Variants in ADAM32 observed in about 807,000 individuals in gnomAD.
The protein encoded by ADAM32 is ADAM metallopeptidase domain 32, also known as disintegrin and metalloproteinase domain-containing protein 32.
In ADAM32, 89 loss-of-function variants were observed where a neutral mutation model predicts 114.9. That is an observed-to-expected ratio of 0.77 (90% confidence interval 0.65 to 0.92). ADAM32 has a LOEUF of 0.92. ADAM32 is among the 40% of genes least tolerant of loss of function. The probability of loss-of-function intolerance (pLI) is 0.00; values close to 1 mark genes in which losing one functional copy is unlikely to be tolerated. For missense variants in ADAM32, 870 were observed against 932.8 expected, an observed-to-expected ratio of 0.93 and a Z score of 0.88; for synonymous variants, 285 against 307.5, an observed-to-expected ratio of 0.93 and a Z score of 0.77.
chr8:39,169,904 T>G lies in ADAM32; in HGVS notation c.834-12T>G. ...GTTAAAATCAATTATAAATGTAAAT[T>G]TATTTATTTAGTTATATGGATTATC... is the stretch of plus-strand genomic sequence containing the variant. On this transcript the variant is annotated splice_polypyrimidine_tract_variant and intron_variant, in intron 9 of 24. Coordinates refer to ENST00000379907, the MANE Select transcript of ADAM32 (RefSeq NM_145004.7). 1 of 1,513,216 alleles carries G rather than the reference T, an allele frequency of 6.6e-7. No homozygotes were observed. The highest frequency in any genetic ancestry group is 1.2e-5 in the South Asian group (1 of 80,142). The allele number at this position is 1,513,216 out of a possible 1,614,324, so 93.7% of individuals were successfully genotyped here.
At chr8:39,235,689 A>T (rs557894776) in intron 16 of ADAM32, among the ~76,000 whole-genome samples, 29 of 152,324 alleles carry the variant, frequency 1.9e-4, no homozygotes, top group Admixed American at 1.7e-3. Flanking sequence ...AAACATTCTT[A>T]GTATTGTTTC....
chr8:39,254,830 G>T (rs938619009), intron 18 of ADAM32, among the ~76,000 whole-genome samples: 1 of 151,772 alleles, frequency 6.6e-6, no homozygotes, highest in Non-Finnish European at 1.5e-5. Flanking sequence ...AGTGTATACT[G>T]TACCCAATGT....
At chr8:39,274,738 A>T (rs1812968737) in intron 21 of ADAM32, among the ~76,000 whole-genome samples, 1 of 152,220 alleles carries the variant, frequency 6.6e-6, no homozygotes, top group Non-Finnish European at 1.5e-5. Context: ...ATAAGATTAT[A>T]ATGAAGGTGA....
chr8:39,252,928 C>T lies in ADAM32; in HGVS notation c.1903-1486C>T, dbSNP rs543102184. On this transcript the variant is annotated intron_variant, in intron 17 of 24. Coordinates refer to ENST00000379907, the MANE Select transcript of ADAM32 (RefSeq NM_145004.7). ...TAAATCAGTAAACAAAACTTTCTAG[C>T]GAAGAAAATCTCAGGACTAGGGGGC... Among the ~76,000 whole-genome samples the T allele has an allele frequency of 8.2e-4, 125 of 151,626 alleles. 4 individuals carry two copies. The highest frequency in any genetic ancestry group is 2.8e-4 in the Non-Finnish European group (19 of 67,556).
chr8:39,109,256 T>A (rs979512598), intron 1 of ADAM32, among the ~76,000 whole-genome samples: 11 of 152,136 alleles, frequency 7.2e-5, no homozygotes, highest in African/African-American at 2.7e-4. Context: ...AAAATAAAAG[T>A]AACGGCCAGG....
chr8:39,279,157 T>A (rs1813270384), intron 22 of ADAM32, among the ~76,000 whole-genome samples: 1 of 152,248 alleles, frequency 6.6e-6, no homozygotes. Context: ...AGGACTCAGG[T>A]CATTAAATCT....
intron 24 of ADAM32, among the ~76,000 whole-genome samples, chr8:39,284,360 T>TACACAC (rs375169437): frequency 1.3e-5 from 2 of 149,438 alleles, no homozygotes; most frequent in South Asian, 4.2e-4. Flanking sequence ...AATACTGTTA[T>TACACAC]ACACACACAC....
chr8:39,240,598 A>G (rs1046475848), intron 16 of ADAM32, among the ~76,000 whole-genome samples: 2 of 152,236 alleles, frequency 1.3e-5, no homozygotes, highest in Admixed American at 6.5e-5. Flanking sequence ...TTAAAATTCC[A>G]TGTGGTTGGG....
intron 20 of ADAM32, among the ~76,000 whole-genome samples, chr8:39,273,327 G>A (rs889190893): frequency 2.6e-5 from 4 of 151,872 alleles, no homozygotes; most frequent in African/African-American, 9.7e-5. Flanking sequence ...CCAACATGGT[G>A]AAACCCCGTC....
At chr8:39,200,952 C>T (rs1180587413) in intron 11 of ADAM32, among the ~76,000 whole-genome samples, 1 of 152,154 alleles carries the variant, frequency 6.6e-6, no homozygotes, top group Non-Finnish European at 1.5e-5. Flanking sequence ...GGTATTATTT[C>T]TGAAGGCTCT....
chr8:39,199,710 G>A (rs1012413735), intron 11 of ADAM32, among the ~76,000 whole-genome samples: 1 of 151,852 alleles, frequency 6.6e-6, no homozygotes, highest in Non-Finnish European at 1.5e-5. Context: ...CCATGTTGGT[G>A]TGCTGCACCC....
chr8:39,112,384 C>T (rs1299810936), intron 1 of ADAM32, among the ~76,000 whole-genome samples: 1 of 151,918 alleles, frequency 6.6e-6, no homozygotes, highest in Non-Finnish European at 1.5e-5. Flanking sequence ...TTGTGATATC[C>T]TGATTTTTGT....
At chr8:39,230,687 A>G (rs1193486894) in intron 14 of ADAM32, among the ~76,000 whole-genome samples, 1 of 152,154 alleles carries the variant, frequency 6.6e-6, no homozygotes, top group African/African-American at 2.4e-5. Flanking sequence ...CCAATATCAA[A>G]GATGGTGGAA....
rs149562313 is a variant in ADAM32, at chr8:39,172,634, T to C, written c.915+2637T>C. On this transcript the variant is annotated intron_variant, in intron 10 of 24. Coordinates refer to ENST00000379907, the MANE Select transcript of ADAM32 (RefSeq NM_145004.7). ...CTGAGGATAATGGCTTCCAGTTCCA[T>C]CCTTGTCCCTGCAAAGTCTTTCCTT... Among the ~76,000 whole-genome samples, 686 of 152,354 alleles carry C rather than the reference T, an allele frequency of 4.5e-3. 4 individuals are homozygous for C. The highest frequency in any genetic ancestry group is 0.016 in the African/African-American group (649 of 41,582).
At chr8:39,149,657 C>T in intron 4 of ADAM32, 134 bp from the exon 5 acceptor site, 2 of 553,868 alleles carry the variant, frequency 3.6e-6, no homozygotes, top group Non-Finnish European at 6.0e-6. Context: ...TTCTGAATTT[C>T]ACCTTACTTG....
chr8:39,280,063 GA>G (rs1813332025), intron 22 of ADAM32, among the ~76,000 whole-genome samples: 1 of 152,200 alleles, frequency 6.6e-6, no homozygotes, highest in South Asian at 2.1e-4. Context: ...TCACTTGCCT[GA>G]GAAAATTTGC....
At chr8:39,117,123 C>T (rs1344952115) in intron 1 of ADAM32, among the ~76,000 whole-genome samples, 1 of 151,818 alleles carries the variant, frequency 6.6e-6, no homozygotes, top group African/African-American at 2.4e-5. Context: ...ACCTTGTGAT[C>T]CACCTGCCTT....
intron 11 of ADAM32, among the ~76,000 whole-genome samples, chr8:39,192,022 C>G (rs747861958): frequency 1.3e-5 from 2 of 152,024 alleles, no homozygotes; most frequent in Non-Finnish European, 2.9e-5. Flanking sequence ...CTTGGGTTTT[C>G]TCTTTTGGTT....
chr8:39,164,680 C>A, intron 7 of ADAM32, 84 bp from the exon 8 acceptor site: 1 of 1,049,310 alleles, frequency 9.5e-7, no homozygotes. Flanking sequence ...AGCAGCCTTA[C>A]ACCTCTGACA....
Sources: allele counts gnomAD v4.1 joint callset (sites outside exome capture counted in the v4.1 genomes callset), GRCh38; gene constraint gnomAD v4.1.1; transcripts MANE v1.5; gene names NCBI Gene and HGNC (gene_info 2026-07-23, HGNC 2026-07-21).